The following DCUN1D4 variants were observed in gnomAD, a reference collection of about 807,000 sequenced individuals.
DCUN1D4 encodes DCN1-like protein 4.
Under a neutral mutation model 47.9 loss-of-function variants are expected in DCUN1D4, and 22 were observed. The ratio of observed to expected loss-of-function variants is 0.46; its 90% CI spans 0.33 to 0.66. The LOEUF is 0.66. Ranked by LOEUF, DCUN1D4 falls within the 30% of genes least tolerant of loss-of-function variation. The probability of loss-of-function intolerance (pLI) is 0.02; values close to 1 mark genes in which losing one functional copy is unlikely to be tolerated. For synonymous variants in DCUN1D4, 121 were observed against 112.2 expected (o/e 1.08, Z -0.50); for missense variants, 301 against 340.8 (o/e 0.88, Z 0.92).
chr4:51,859,190 C>T (rs1026686879), intron 1 of DCUN1D4, among the ~76,000 whole-genome samples: 4 of 152,094 alleles, frequency 2.6e-5, no homozygotes, highest in African/African-American at 4.8e-5. Flanking sequence ...TGCTTTACAA[C>T]GTTGGGTCTT....
At chr4:51,841,897 C>T (rs1462591977), upstream of DCUN1D4, among the ~76,000 whole-genome samples, 1 of 147,962 alleles carries the variant, frequency 6.8e-6, no homozygotes, top group Non-Finnish European at 1.5e-5. Context: ...CCCAGATGGC[C>T]CAGGGCCTTA....
intron 3 of DCUN1D4, among the ~76,000 whole-genome samples, chr4:51,866,697 C>A (rs1162967403): frequency 6.6e-6 from 1 of 152,170 alleles, no homozygotes. Context: ...AGTATTGTTA[C>A]TATAGTAATT....
chr4:51,879,991 C>T (rs1247213416), intron 5 of DCUN1D4, among the ~76,000 whole-genome samples: 1 of 152,168 alleles, frequency 6.6e-6, no homozygotes, highest in African/African-American at 2.4e-5. Context: ...CTGCTAAGTC[C>T]TTCGTTTTAA....
chr4:51,839,304 C>G (rs1721573075), upstream of DCUN1D4, among the ~76,000 whole-genome samples: 1 of 152,100 alleles, frequency 6.6e-6, no homozygotes, highest in South Asian at 2.1e-4. Flanking sequence ...AACATGGAGT[C>G]TGGCTACTTA....
intron 1 of DCUN1D4, among the ~76,000 whole-genome samples, chr4:51,858,026 G>T (rs1216973185): frequency 6.6e-6 from 1 of 152,112 alleles, no homozygotes; most frequent in Non-Finnish European, 1.5e-5. Flanking sequence ...AATGTCAGAT[G>T]GTATTAATGC....
chr4:51,839,570 T>G (rs1721580662), upstream of DCUN1D4, among the ~76,000 whole-genome samples: 1 of 152,222 alleles, frequency 6.6e-6, no homozygotes, highest in Admixed American at 6.5e-5. Context: ...TCCTGCCCTC[T>G]ATGGATAAAT....
chr4:51,885,355 ATAAT>A (rs1381021862), intron 5 of DCUN1D4, among the ~76,000 whole-genome samples: 2 of 152,176 alleles, frequency 1.3e-5, no homozygotes, highest in African/African-American at 4.8e-5. Flanking sequence ...AGTACACTTG[ATAAT>A]TGATTGGGTG....
At chr4:51,839,209 A>AGGAG (rs1721570096), upstream of DCUN1D4, among the ~76,000 whole-genome samples, 1 of 149,506 alleles carries the variant, frequency 6.7e-6, no homozygotes, top group Non-Finnish European at 1.5e-5. Flanking sequence ...GAAGGAAGGA[A>AGGAG]GGAGGGAAGG....
chr4:51,911,047 C>G (rs752183056), intron 8 of DCUN1D4, 23 bp from the exon 9 acceptor site: 3 of 1,609,644 alleles, frequency 1.9e-6, no homozygotes, highest in African/African-American at 1.3e-5. Context: ...TCTGGCTCAT[C>G]CTTGTTTTTG....
intron 4 of DCUN1D4, 37 bp downstream of exon 4, chr4:51,874,422 C>G: frequency 6.7e-7 from 1 of 1,492,974 alleles, no homozygotes; most frequent in Non-Finnish European, 9.2e-7. Context: ...ATCAGTGATA[C>G]ATATGTCGAA....
intron 6 of DCUN1D4, chr4:51,887,030 AT>A (rs1242347871): frequency 4.4e-6 from 2 of 451,116 alleles, no homozygotes; most frequent in Non-Finnish European, 4.4e-6. Context: ...ATTCATCATG[AT>A]TTTGAGTAGA....
rs183171055 is a variant in DCUN1D4, at chr4:51,892,068, T to A, written c.506+217T>A. Among the ~76,000 whole-genome samples, 14 of 152,270 alleles carry A rather than the reference T, an allele frequency of 9.2e-5. No individual in the cohort carries two copies. In the East Asian group the frequency reaches 2.7e-3, roughly 29 times the overall value. ...TATATGTGTATTTGGAGCGAGAGAG[T>A]GTGTTGGTATTCTTGTAGAGCAGCT... On this transcript the variant is annotated intron_variant, in intron 7 of 10. Transcript: ENST00000334635.
intron 8 of DCUN1D4, among the ~76,000 whole-genome samples, chr4:51,907,713 T>C (rs533313747): frequency 6.6e-6 from 1 of 152,342 alleles, no homozygotes; most frequent in South Asian, 2.1e-4. Flanking sequence ...TTTTCATATG[T>C]AAGTCTTAAG....
At chr4:51,904,994 G>A (rs1040765953) in intron 8 of DCUN1D4, among the ~76,000 whole-genome samples, 1 of 152,070 alleles carries the variant, frequency 6.6e-6, no homozygotes, top group African/African-American at 2.4e-5. Flanking sequence ...TTAATATGCT[G>A]GGAAAGAAAC....
chr4:51,886,219 A>T (rs183254475), intron 5 of DCUN1D4, among the ~76,000 whole-genome samples: 2 of 152,146 alleles, frequency 1.3e-5, no homozygotes, highest in Admixed American at 1.3e-4. Context: ...GTTCTTTGCT[A>T]TGTTTCCAAA....
Position 51,843,201 on chromosome 4 carries a change from C to G in DCUN1D4, c.-42C>G. ...GCTGGTGGGGGGACCGCGAGGCGAG[C>G]GCGGGAGCCTGGGCGGCGAGCCGGG... On this transcript the variant is annotated 5_prime_UTR_variant, in exon 1 of 11. Transcript: ENST00000334635. 1.3e-6 allele frequency: 2 copies of G among 1,536,976 alleles called. No individual in the cohort carries two copies. The highest frequency in any genetic ancestry group is 1.4e-5 in the African/African-American group (1 of 71,992).
intron 6 of DCUN1D4, among the ~76,000 whole-genome samples, chr4:51,888,077 G>C (rs1197158181): frequency 2.0e-5 from 3 of 152,048 alleles, no homozygotes; most frequent in African/African-American, 7.2e-5. Flanking sequence ...TGAGAACTGG[G>C]CCAAGCTTGG....
chr4:51,885,439 A>G (rs1039731954), intron 5 of DCUN1D4, among the ~76,000 whole-genome samples: 6 of 152,246 alleles, frequency 3.9e-5, no homozygotes, highest in Non-Finnish European at 8.8e-5. Context: ...CTGGGACAGC[A>G]TACAGGAGGA....
In DCUN1D4 at chr4:51,866,378, GTGA is replaced by G. The variant is rs540585746; in HGVS notation, c.136+2699_136+2701del. On this transcript the variant is annotated intron_variant, in intron 3 of 10. Coordinates refer to ENST00000334635, the MANE Select transcript of DCUN1D4 (RefSeq NM_001040402.3). ...TCTTCTGTTTGTTAACCAAATTATG[GTGA>G]TGATGATGATGATGATGATGATGAT... Among the ~76,000 whole-genome samples, 108 of 149,048 alleles carry G rather than the reference GTGA, an allele frequency of 7.2e-4. 1 individual carries two copies. In the South Asian group the frequency reaches 8.4e-3, roughly 12 times the overall value.
Sources: gnomAD v4.1 joint callset for allele counts (sites outside exome capture counted in the v4.1 genomes callset) on GRCh38, gnomAD v4.1.1 for gene constraint, MANE v1.5 for transcripts, NCBI Gene and HGNC (gene_info 2026-07-23, HGNC 2026-07-21) for gene names.